Variants in NUP210 observed in about 807,000 individuals in gnomAD.
The protein encoded by NUP210 is nucleoporin 210.
A neutral mutation model predicts 196.0 loss-of-function variants in NUP210; 151 were observed. The ratio of observed to expected loss-of-function variants is 0.77; its 90% confidence interval spans 0.67 to 0.88. NUP210 has a LOEUF of 0.88. Among genes scored for constraint, NUP210 ranks in the 40% least tolerant of loss-of-function variants. The pLI is 0.00. For synonymous variants in NUP210, 1,070 were observed against 1,052.7 expected (o/e 1.02, Z -0.32); for missense variants, 2,314 against 2,493.7 (o/e 0.93, Z 1.53).
Position 13,379,490 on chromosome 3 carries a change from G to T in NUP210, c.976+73C>A, listed in dbSNP as rs574910778. ...TATTTTTAGCCCTGCCGAGCTTTCA[G>T]GGAAAAAAAGACTTGACTTCCAAAC... On this transcript the variant is annotated intron_variant, in intron 7 of 39. Coordinates refer to ENST00000254508, the MANE Select transcript of NUP210 (RefSeq NM_024923.4). This position sits in a 1 kb window ranked among gnomAD's most constrained non-coding sequence, Gnocchi z 4.2. The T allele has an allele frequency of 5.3e-4, 837 of 1,589,074 alleles. 5 individuals are homozygous for T. In the African/African-American group the frequency reaches 0.01, roughly 20 times the overall value.
intron 3 of NUP210, among the ~76,000 whole-genome samples, chr3:13,393,671 GC>G (rs1009288079): frequency 3.9e-5 from 6 of 152,236 alleles, no homozygotes; most frequent in African/African-American, 1.4e-4. Context: ...CCTTTCCAGG[GC>G]CTGCTGCAGG....
rs199935218 is a variant in NUP210, at chr3:13,399,813, G to A, written c.216C>T (p.Asp72=). The change falls in exon 2 of 40, where the codon GAC becomes GAT. Residue 72 remains aspartate, a synonymous_variant. Coordinates refer to ENST00000254508, the MANE Select transcript of NUP210 (RefSeq NM_024923.4). The part of the protein sequence containing the change: ...EVASIEPLGL[D]EQQCSQKAVV... ...CTGCCTTCTGGGAGCACTGCTGCTC[G>A]TCCAGGCCCAGCGGCTCGATGCTGG... is the stretch of plus-strand genomic sequence containing the variant. 3.0e-5 allele frequency: 49 copies of A among 1,613,134 alleles called. No homozygotes were observed. The highest frequency in any genetic ancestry group is 8.4e-5 in the Admixed American group (5 of 59,824).
At chr3:13,414,272 C>T (rs1282300700) in intron 1 of NUP210, among the ~76,000 whole-genome samples, 1 of 152,246 alleles carries the variant, frequency 6.6e-6, no homozygotes, top group Non-Finnish European at 1.5e-5. Flanking sequence ...AGAGCGGAAG[C>T]CACCTCGTGG....
chr3:13,366,056 T>A lies in NUP210; in HGVS notation c.1822A>T (p.Ile608Phe). The A allele has an allele frequency of 1.2e-6, 2 of 1,613,924 alleles. 1 individual carries two copies. Among genetic ancestry groups the A allele is most frequent in the South Asian group, 2.2e-5 (2 of 91,080 alleles). ...CCCTGGGCCTCGGCCTTTACCCGGA[T>A]GCCGCTGCAGTGCTCAGAGCCTGGC... ...LPPGSEHCSG[I>F]RVKAEAQGST... The change falls in exon 14 of 40, where the codon ATC (isoleucine) becomes TTC (phenylalanine). Residue 608 changes from isoleucine to phenylalanine, a missense_variant. Transcript: ENST00000254508.
chr3:13,364,105 C>T (rs1377133951), intron 14 of NUP210, among the ~76,000 whole-genome samples: 1 of 152,106 alleles, frequency 6.6e-6, no homozygotes, highest in African/African-American at 2.4e-5. Flanking sequence ...AACTTCCACC[C>T]CCATCACCCC....
At chr3:13,376,788 G>A (rs751707678) in intron 9 of NUP210, among the ~76,000 whole-genome samples, 1 of 152,130 alleles carries the variant, frequency 6.6e-6, no homozygotes, top group Non-Finnish European at 1.5e-5. Context: ...TGCAAATGGT[G>A]ACCATCCCAG....
Position 13,348,657 on chromosome 3 carries a change from T to G in NUP210, c.2835+3222A>C. 1.0e-6 allele frequency: 1 copy of G among 985,430 alleles called. No homozygotes were observed. Among genetic ancestry groups the G allele is most frequent in the Non-Finnish European group, 1.2e-6 (1 of 829,934 alleles). The allele number at this position is 985,430 out of a possible 1,614,324, so 61.0% of individuals were successfully genotyped here. The stretch of plus-strand genomic sequence containing the variant: ...ATAAGAATGCTTAGGAGACGCTGCT[T>G]GTGGTCTCAGGCTCCTCGCCTCCTC... On this transcript the variant is annotated intron_variant, in intron 20 of 39. Transcript: ENST00000254508. This position sits in a 1 kb window ranked among gnomAD's most constrained non-coding sequence, Gnocchi z 4.0.
intron 4 of NUP210, among the ~76,000 whole-genome samples, chr3:13,390,613 TGAGTTCAGACTCCAGCTCTGTCCTCCCG>T (rs1286243983): frequency 6.6e-6 from 1 of 152,188 alleles, no homozygotes; most frequent in Non-Finnish European, 1.5e-5. Flanking sequence ...TCCACGGATC[TGAGTTCAGACTCCAGCTCTGTCCTCCCG>T]GAGCTCAGAC....
intron 6 of NUP210, among the ~76,000 whole-genome samples, chr3:13,384,315 G>C (rs146358539): frequency 6.6e-6 from 1 of 152,352 alleles, no homozygotes; most frequent in East Asian, 1.9e-4. Context: ...AGAAGCGGCA[G>C]AGGGAAATTC....
intron 1 of NUP210, among the ~76,000 whole-genome samples, chr3:13,408,366 A>G (rs1371597650): frequency 6.6e-6 from 1 of 152,168 alleles, no homozygotes; most frequent in Non-Finnish European, 1.5e-5. Context: ...TTGGCCTCAT[A>G]AAAGTGAATT....
rs1469234638 is a variant in NUP210 at position 13,383,015 on chromosome 3, G to C, written c.817+3260C>G. ...AAAAAATTAGCCAGGCATGTGGTGT[G>C]TGCCTGTGGTCCCAGCTACTCAGGG... On this transcript the variant is annotated intron_variant, in intron 6 of 39. Coordinates refer to ENST00000254508, the MANE Select transcript of NUP210 (RefSeq NM_024923.4). 9.9e-5 allele frequency among the ~76,000 whole-genome samples: 15 copies of C among 152,034 alleles called. 1 individual carries two copies. The highest frequency in any genetic ancestry group is 7.2e-4 in the Admixed American group (11 of 15,268).
rs1697422160 is a variant in NUP210 at position 13,340,340 on chromosome 3, G to A, written c.3229-42C>T. 1 of 1,558,534 alleles carries A rather than the reference G, an allele frequency of 6.4e-7. No individual in the cohort carries two copies. Among genetic ancestry groups the A allele is most frequent in the African/African-American group, 1.4e-5 (1 of 73,780 alleles). ...GAGAGAAAGGACTACTGTGCCCCAA[G>A]CCCATGGCGCCAAGCATAACTCACA... On this transcript the variant is annotated intron_variant, in intron 23 of 39. Coordinates refer to ENST00000254508, the MANE Select transcript of NUP210 (RefSeq NM_024923.4). This position sits in a 1 kb window ranked among gnomAD's most constrained non-coding sequence, Gnocchi z 4.0.
Position 13,420,256 on chromosome 3 carries a change from G to T in NUP210, c.-30C>A. ...GCCGCGCGTCACCTCCCGCGACCCT[G>T]CGCCCGGCCGCCCGCGCCGCCCCGT... On this transcript the variant is annotated 5_prime_UTR_variant, in exon 1 of 40. Coordinates refer to ENST00000254508, the MANE Select transcript of NUP210 (RefSeq NM_024923.4). This position sits in a 1 kb window ranked among gnomAD's most constrained non-coding sequence, Gnocchi z 4.8. 1.9e-6 allele frequency: 2 copies of T among 1,061,350 alleles called. No individual in the cohort carries two copies. The highest frequency in any genetic ancestry group is 2.3e-6 in the Non-Finnish European group (2 of 880,170). The allele number at this position is 1,061,350 out of a possible 1,614,324, so 65.7% of individuals were successfully genotyped here.
intron 4 of NUP210, among the ~76,000 whole-genome samples, chr3:13,388,989 G>A (rs1291214753): frequency 1.3e-5 from 2 of 152,242 alleles, no homozygotes; most frequent in African/African-American, 4.8e-5. Context: ...CCAGCTTGGG[G>A]AGATGTCGGG....
chr3:13,320,734 A>G (rs1387971497), intron 36 of NUP210, among the ~76,000 whole-genome samples: 14 of 150,020 alleles, frequency 9.3e-5, no homozygotes, highest in African/African-American at 3.4e-4. Context: ...CGTCTCTACT[A>G]AAAAAAAATT....
intron 20 of NUP210, among the ~76,000 whole-genome samples, chr3:13,345,547 C>T (rs577984708): frequency 1.2e-4 from 19 of 152,246 alleles, no homozygotes; most frequent in South Asian, 4.1e-4. Flanking sequence ...GCTGGGGGCA[C>T]GGAGGATCAA....
Position 13,358,330 on chromosome 3 carries a change from G to C in NUP210, c.2220C>G (p.Ala740=). ...LTNPFPAVEP[A]VVKFVCAPPS... ...GTGGGGCGCAGACGAACTTCACCACGGCAGGCTCCACCGCAGGAAAGGGGT... is the reference window on the plus strand; with the variant it reads ...GTGGGGCGCAGACGAACTTCACCACCGCAGGCTCCACCGCAGGAAAGGGGT... Residue 740 remains alanine, a synonymous_variant, in exon 16 of 40, where the codon GCC becomes GCG. Transcript: ENST00000254508. The C allele has an allele frequency of 6.2e-7, 1 of 1,613,866 alleles. No homozygotes were observed. The highest frequency in any genetic ancestry group is 8.5e-7 in the Non-Finnish European group (1 of 1,179,934).
chr3:13,367,639 A>T (rs976145343), intron 13 of NUP210, among the ~76,000 whole-genome samples: 18 of 152,142 alleles, frequency 1.2e-4, no homozygotes, highest in African/African-American at 4.3e-4. Context: ...CAACTGAATC[A>T]TGCTTGGTAT....
At chr3:13,325,742 G>A in intron 33 of NUP210, 53 bp downstream of exon 33, 1 of 1,598,092 alleles carries the variant, frequency 6.3e-7, no homozygotes. Context: ...AGAAGGTCAG[G>A]CCCGCCTCAC....
Sources: allele counts gnomAD v4.1 joint callset (sites outside exome capture counted in the v4.1 genomes callset), GRCh38; gene constraint gnomAD v4.1.1; non-coding constraint Gnocchi (gnomAD v3.1); transcripts MANE v1.5; gene names NCBI Gene and HGNC (gene_info 2026-07-23, HGNC 2026-07-21).